Variants in ANKRD53 observed in about 807,000 individuals in gnomAD.
ANKRD53 encodes the protein ankyrin repeat domain 53, also known as ankyrin repeat domain-containing protein 53.
ANKRD53 carries 27 observed loss-of-function variants against 30.1 expected under a neutral mutation model. The ratio of observed to expected loss-of-function variants is 0.90; its 90% CI spans 0.66 to 1.24. The LOEUF is 1.24. Among genes scored for constraint, ANKRD53 ranks in the 50% most tolerant of loss-of-function variants. The pLI is 0.00. For synonymous variants in ANKRD53, 286 were observed against 295.4 expected, an observed-to-expected ratio of 0.97 and a Z score of 0.33; for missense variants, 682 against 721.0, an observed-to-expected ratio of 0.95 and a Z score of 0.62.
intron 3 of ANKRD53, 125 bp downstream of exon 3, chr2:70,979,985 A>T (rs1553423284): frequency 1.7e-5 from 19 of 1,132,578 alleles, no homozygotes. Flanking sequence ...ATTGGGTCCC[A>T]CATAAAGCAG....
chr2:70,979,369 G>T (rs1669931200), intron 2 of ANKRD53, 26 bp downstream of exon 2: 1 of 1,612,276 alleles, frequency 6.2e-7, no homozygotes, highest in Admixed American at 1.7e-5. Flanking sequence ...TTGGGGCAAA[G>T]ACCGAGGTCC....
Position 70,982,935 on chromosome 2 carries a change from C to T in ANKRD53, c.903+238C>T, listed in dbSNP as rs1398247977. Among the ~76,000 whole-genome samples, 3 of 152,172 alleles carry T rather than the reference C, an allele frequency of 2.0e-5. No individual in the cohort carries two copies. The highest frequency in any genetic ancestry group is 6.5e-5 in the Admixed American group (1 of 15,280). On this transcript the variant is annotated intron_variant, in intron 5 of 5. Transcript: ENST00000360589. This position sits in a 1 kb window ranked among gnomAD's most constrained non-coding sequence, Gnocchi z 4.2. ...AAGCCAATTTAAGCAAGCTTAAATT[C>T]GCAAGTATTTCTGGGCCCCTCCTAG...
chr2:70,984,593 T>C lies in ANKRD53; in HGVS notation c.904-18T>C. On this transcript the variant is annotated intron_variant, in intron 5 of 5. Transcript: ENST00000360589. ...GCAGCAGTCCTCCATGACTCTCTTGTGCCCTCTGTTGTTGCAGAAAGAGCA... is the reference window on the plus strand; with the variant it reads ...GCAGCAGTCCTCCATGACTCTCTTGCGCCCTCTGTTGTTGCAGAAAGAGCA... The C allele has an allele frequency of 1.2e-6, 2 of 1,612,102 alleles. No homozygotes were observed. The highest frequency in any genetic ancestry group is 2.2e-5 in the South Asian group (2 of 90,834).
At position 70,982,392 on chromosome 2, in the gene ANKRD53, C is replaced by G; in HGVS notation, c.783-185C>G. 1.1e-6 allele frequency: 1 copy of G among 871,658 alleles called. No homozygotes were observed. Among genetic ancestry groups the G allele is most frequent in the Non-Finnish European group, 1.7e-6 (1 of 586,112 alleles). The allele number at this position is 871,658 out of a possible 1,614,324, so 54.0% of individuals were successfully genotyped here. A position where few individuals can be genotyped will look rare whatever the true frequency, so the allele number is the denominator to read the frequency against. ...TGGTGACCAGGTCATCAAGGACTTT[C>G]GTCTTTCACCTAAAGGAAGTAGGGA... On this transcript the variant is annotated intron_variant, in intron 4 of 5. Transcript: ENST00000360589. This position sits in a 1 kb window ranked among gnomAD's most constrained non-coding sequence, Gnocchi z 4.2.
rs556997964 is a variant in ANKRD53, at chr2:70,983,306, T to A, written c.903+609T>A. ...TAACCAGGCATAAAGAGCAGCCGCA[T>A]GGAAAGGCATAGAGGCACCTGGGAA... On this transcript the variant is annotated intron_variant, in intron 5 of 5. Coordinates refer to ENST00000360589, the MANE Select transcript of ANKRD53 (RefSeq NM_001115116.2). 3.3e-5 allele frequency among the ~76,000 whole-genome samples: 5 copies of A among 152,176 alleles called. No homozygotes were observed. The East Asian group carries it at 9.7e-4, about 29-fold the overall frequency.
At position 70,984,927 on chromosome 2, in the gene ANKRD53, G is replaced by A. The variant is rs782009993; in HGVS notation, c.1220G>A (p.Arg407His). ...CAGATCAGCCACTCGCAGGGCATCC[G>A]CCTGGGCGTGCATCCAGACCCCACT... ...TTQISHSQGI[R>H]LGVHPDPTPE... Residue 407 changes from arginine (R) to histidine (H), a missense_variant, in exon 6 of 6, where the codon CGC (arginine) becomes CAC (histidine). Physicochemically the swap from Arg to His is conservative, Grantham distance 29. Coordinates refer to ENST00000360589, the MANE Select transcript of ANKRD53 (RefSeq NM_001115116.2). 33 of 1,550,782 alleles carry A rather than the reference G, an allele frequency of 2.1e-5. No individual in the cohort carries two copies. The African/African-American group carries it at 4.5e-4, about 21-fold the overall frequency.
chr2:70,984,330 C>G, intron 5 of ANKRD53: 1 of 1,609,268 alleles, frequency 6.2e-7, no homozygotes. Flanking sequence ...GAGGCTACAT[C>G]TCTCCCATCA....
chr2:70,982,026 C>T lies in ANKRD53; in HGVS notation c.708C>T (p.Asn236=), dbSNP rs782024122. ...CVKVLVQSGA[N]VHAQDAMGYK... ...AGGTCCTGGTGCAGAGTGGCGCCAA[C>T]GTCCATGCCCAAGATGCCATGGGCT... is the stretch of plus-strand genomic sequence containing the variant. The change falls in exon 4 of 6, where the codon AAC becomes AAT. Residue 236 remains asparagine (N), a synonymous_variant. Transcript: ENST00000360589. This position sits in a 1 kb window ranked among gnomAD's most constrained non-coding sequence, Gnocchi z 4.2. 6.8e-6 allele frequency: 11 copies of T among 1,613,806 alleles called. No individual in the cohort carries two copies. Among genetic ancestry groups the T allele is most frequent in the East Asian group, 2.2e-5 (1 of 44,842 alleles).
upstream of ANKRD53, chr2:70,978,625 G>A: frequency 1.3e-6 from 2 of 1,516,066 alleles, no homozygotes; most frequent in Non-Finnish European, 1.8e-6. The surrounding 1 kb of genome is among the most constrained non-coding windows in gnomAD (Gnocchi z 4.3). Context: ...GCCCGGCCCG[G>A]GTCCGAGTTC....
Position 70,985,400 on chromosome 2 carries a change from G to C in ANKRD53, c.*100G>C. ...GAGGAAAGGGGGAGGGGTGCCTATG[G>C]GCTTCCCACTCCCAAGCTCGAGGAG... On this transcript the variant is annotated 3_prime_UTR_variant, in exon 6 of 6. Coordinates refer to ENST00000360589, the MANE Select transcript of ANKRD53 (RefSeq NM_001115116.2). 1 of 1,134,214 alleles carries C rather than the reference G, an allele frequency of 8.8e-7. No individual in the cohort carries two copies. The highest frequency in any genetic ancestry group is 1.2e-6 in the Non-Finnish European group (1 of 805,226). The allele number at this position is 1,134,214 out of a possible 1,614,324, so 70.3% of individuals were successfully genotyped here.
Position 70,984,045 on chromosome 2 carries a change from A to C in ANKRD53, c.904-566A>C. ...AGCCAGCCAACTGTATCCTCCCTACATGACTTCTCAAGGCCCACCACTTCC... is the reference window on the plus strand; with the variant it reads ...AGCCAGCCAACTGTATCCTCCCTACCTGACTTCTCAAGGCCCACCACTTCC... On this transcript the variant is annotated intron_variant, in intron 5 of 5. Coordinates refer to ENST00000360589, the MANE Select transcript of ANKRD53 (RefSeq NM_001115116.2). The C allele has an allele frequency of 2.9e-6, 4 of 1,396,658 alleles. No individual in the cohort carries two copies. The South Asian group carries it at 3.5e-5, about 12-fold the overall frequency. 86.5% of individuals were successfully genotyped at this position (1,396,658 alleles called of 1,614,324 possible). A position where few individuals can be genotyped will look rare whatever the true frequency, so the allele number is the denominator to read the frequency against.
At chr2:70,979,364 G>A (rs1553423097) in intron 2 of ANKRD53, 21 bp downstream of exon 2, 1 of 1,612,632 alleles carries the variant, frequency 6.2e-7, no homozygotes, top group African/African-American at 1.3e-5. Context: ...GAGTGTTGGG[G>A]CAAAGACCGA....
chr2:70,984,206 A>C, intron 5 of ANKRD53: 1 of 1,614,204 alleles, frequency 6.2e-7, no homozygotes, highest in Non-Finnish European at 8.5e-7. Context: ...TTTCTCTACT[A>C]TCAGACTGTG....
intron 3 of ANKRD53, among the ~76,000 whole-genome samples, chr2:70,980,900 C>T (rs1478153822): frequency 7.3e-5 from 11 of 151,048 alleles, no homozygotes; most frequent in South Asian, 2.1e-4. Context: ...GAGCCAAGAT[C>T]GTGCCACTGC....
In ANKRD53 at chr2:70,982,999, C is replaced by A. The variant is rs1434882556; in HGVS notation, c.903+302C>A. ...TCAGGATGAGAACCTTCAATGAGACCAAGGCACTGCCTGTAACTGGGGCTC... is the reference window on the plus strand; with the variant it reads ...TCAGGATGAGAACCTTCAATGAGACAAAGGCACTGCCTGTAACTGGGGCTC... On this transcript the variant is annotated intron_variant, in intron 5 of 5. Coordinates refer to ENST00000360589, the MANE Select transcript of ANKRD53 (RefSeq NM_001115116.2). The surrounding 1 kb of genome is among the most constrained non-coding windows in gnomAD (Gnocchi z 4.2). Among the ~76,000 whole-genome samples, 1 of 152,206 alleles carries A rather than the reference C, an allele frequency of 6.6e-6. No individual in the cohort carries two copies. Among genetic ancestry groups the A allele is most frequent in the Non-Finnish European group, 1.5e-5 (1 of 68,030 alleles).
intron 5 of ANKRD53, chr2:70,984,300 T>A (rs781934999): frequency 6.2e-7 from 1 of 1,613,660 alleles, no homozygotes; most frequent in Admixed American, 1.7e-5. Context: ...CCATGTCAAG[T>A]TGGAGTCTCA....
At position 70,981,713 on chromosome 2, in the gene ANKRD53, T is replaced by C. The variant is rs1670013490; in HGVS notation, c.618-223T>C. Among the ~76,000 whole-genome samples the C allele has an allele frequency of 1.3e-5, 2 of 152,208 alleles. 1 individual carries two copies. The highest frequency in any genetic ancestry group is 1.3e-4 in the Admixed American group (2 of 15,286). ...AGCTCTCCTTCCAGCAGTTCTTAAC[T>C]ATCACATACCTTCTAAAGTCAGATT... is the stretch of plus-strand genomic sequence containing the variant. On this transcript the variant is annotated intron_variant, in intron 3 of 5. Coordinates refer to ENST00000360589, the MANE Select transcript of ANKRD53 (RefSeq NM_001115116.2).
chr2:70,979,422 T>C lies in ANKRD53; in HGVS notation c.417+79T>C. The C allele has an allele frequency of 5.0e-6, 8 of 1,586,106 alleles. No homozygotes were observed. The South Asian group carries it at 8.0e-5, about 16-fold the overall frequency. On this transcript the variant is annotated intron_variant, in intron 2 of 5. Transcript: ENST00000360589. ...TCGGAGTGGTCACCTGGAGAAGAGA[T>C]ATCCTTTTCTGGGTAGATCTTCCTA...
chr2:70,982,071 C>T lies in ANKRD53; in HGVS notation c.753C>T (p.Cys251=). 2.5e-6 allele frequency: 4 copies of T among 1,611,890 alleles called. No individual in the cohort carries two copies. The highest frequency in any genetic ancestry group is 3.4e-6 in the Non-Finnish European group (4 of 1,178,990). Residue 251 remains cysteine (C), a synonymous_variant, in exon 4 of 6, where the codon TGC becomes TGT. Coordinates refer to ENST00000360589, the MANE Select transcript of ANKRD53 (RefSeq NM_001115116.2). This position sits in a 1 kb window ranked among gnomAD's most constrained non-coding sequence, Gnocchi z 4.2. The part of the protein sequence containing the change: ...DAMGYKPIDF[C]KIWNHRACAR... The stretch of plus-strand genomic sequence containing the variant: ...TGGGCTACAAACCCATTGACTTCTG[C>T]AAAATATGGAACCACCGTGCCTGTG...
Sources: allele counts gnomAD v4.1 joint callset (sites outside exome capture counted in the v4.1 genomes callset), GRCh38; gene constraint gnomAD v4.1.1; non-coding constraint Gnocchi (gnomAD v3.1); transcripts MANE v1.5; gene names NCBI Gene and HGNC (gene_info 2026-07-23, HGNC 2026-07-21).